FAM171A1: variants seen among roughly 807,000 people sequenced by gnomAD.
FAM171A1 encodes the protein family with sequence similarity 171 member A1.
FAM171A1 carries 23 observed loss-of-function variants against 74.9 expected under a neutral mutation model. That is an observed-to-expected ratio of 0.31 (90% confidence interval 0.22 to 0.44). FAM171A1 has a LOEUF of 0.44. Ranked by LOEUF, FAM171A1 falls within the 20% of genes least tolerant of loss-of-function variation. The pLI is 1.00. For missense variants in FAM171A1, 1,162 were observed against 1,159.2 expected, an observed-to-expected ratio of 1.00 and a Z score of -0.03; for synonymous variants, 527 against 505.7, an observed-to-expected ratio of 1.04 and a Z score of -0.57.
intron 1 of FAM171A1, among the ~76,000 whole-genome samples, chr10:15,290,841 T>G (rs796953788): frequency 7.9e-5 from 12 of 152,214 alleles, no homozygotes; most frequent in African/African-American, 2.9e-4. Context: ...CGGAGAGAGC[T>G]TTGTGCAGGG....
chr10:15,318,424 G>A (rs1238200645), intron 1 of FAM171A1, among the ~76,000 whole-genome samples: 9 of 152,158 alleles, frequency 5.9e-5, no homozygotes, highest in Non-Finnish European at 8.8e-5. Flanking sequence ...ACTTATCTGC[G>A]TGCGGTAAGT....
chr10:15,280,436 G>A (rs927664289), intron 2 of FAM171A1, among the ~76,000 whole-genome samples: 11 of 152,174 alleles, frequency 7.2e-5, no homozygotes, highest in Admixed American at 2.6e-4. Flanking sequence ...CAGGGTGATC[G>A]CTGCAGAGAC....
intron 5 of FAM171A1, among the ~76,000 whole-genome samples, chr10:15,228,329 T>C (rs1306564246): frequency 2.1e-5 from 3 of 141,658 alleles, no homozygotes; most frequent in East Asian, 2.1e-4. Flanking sequence ...AAGAACAAAG[T>C]GGGAGTATTT....
intron 1 of FAM171A1, among the ~76,000 whole-genome samples, chr10:15,338,670 T>A (rs1027593313): frequency 6.6e-6 from 1 of 152,178 alleles, no homozygotes; most frequent in Non-Finnish European, 1.5e-5. Context: ...CCTCTTCATT[T>A]CCACCCCAGC....
At chr10:15,372,476 C>T (rs570346079), upstream of FAM171A1, among the ~76,000 whole-genome samples, 4 of 152,092 alleles carry the variant, frequency 2.6e-5, no homozygotes, top group South Asian at 8.3e-4. Flanking sequence ...AGGTGGATGG[C>T]CTGAGTTCAG....
chr10:15,304,185 G>A (rs190844471), intron 1 of FAM171A1, among the ~76,000 whole-genome samples: 1 of 152,314 alleles, frequency 6.6e-6, no homozygotes, highest in Non-Finnish European at 1.5e-5. Context: ...TCAAGGTTAT[G>A]TAGCTACTCA....
chr10:15,216,212 G>A (rs1453374492), intron 6 of FAM171A1, 102 bp from the exon 7 acceptor site: 1 of 713,852 alleles, frequency 1.4e-6, no homozygotes, highest in Non-Finnish European at 2.2e-6. Context: ...CTTCTTAGCT[G>A]GGGCATAGAG....
Position 15,213,720 on chromosome 10 carries a change from G to C in FAM171A1, c.1868C>G (p.Ala623Gly). 6.2e-7 allele frequency: 1 copy of C among 1,612,446 alleles called. No homozygotes were observed. The highest frequency in any genetic ancestry group is 8.5e-7 in the Non-Finnish European group (1 of 1,178,862). Residue 623 changes from alanine (A) to glycine (G), a missense_variant, in exon 8 of 8, where the codon GCC becomes GGC. Transcript: ENST00000378116. This position sits in a 1 kb window ranked among gnomAD's most constrained non-coding sequence, Gnocchi z 6.8. ...RLQAELSNPH[A>G]GIFPHPSSQI... is the part of the protein sequence containing the mutation. ...TGAGGACGGGTGTGGGAAGATCCCG[G>C]CATGGGGATTGGACAGCTCAGCCTG...
chr10:15,372,698 CAAAAAAA>C (rs59712649), upstream of FAM171A1, among the ~76,000 whole-genome samples: 3 of 88,702 alleles, frequency 3.4e-5, no homozygotes, highest in South Asian at 4.9e-4. Flanking sequence ...GACCCCGTCT[CAAAAAAA>C]AAAAAAAAAA....
intron 1 of FAM171A1, among the ~76,000 whole-genome samples, chr10:15,307,109 A>T (rs576372478): frequency 1.3e-5 from 2 of 152,306 alleles, no homozygotes; most frequent in Admixed American, 1.3e-4. Context: ...ACCCAGGAGC[A>T]TGAGGATGAC....
intron 1 of FAM171A1, among the ~76,000 whole-genome samples, chr10:15,298,307 T>C (rs1017617204): frequency 2.0e-5 from 3 of 151,922 alleles, no homozygotes; most frequent in East Asian, 3.9e-4. Flanking sequence ...GCTAATTTTG[T>C]ATTTTTAGTA....
intron 1 of FAM171A1, among the ~76,000 whole-genome samples, chr10:15,358,107 C>G (rs1466067866): frequency 6.6e-6 from 1 of 152,032 alleles, no homozygotes; most frequent in African/African-American, 2.4e-5. Flanking sequence ...TCCCAAGAAG[C>G]TGGGACCACA....
Position 15,216,085 on chromosome 10 carries a change from G to C in FAM171A1, c.897C>G (p.Thr299=), listed in dbSNP as rs1833963223. The C allele has an allele frequency of 6.2e-7, 1 of 1,604,594 alleles. No individual in the cohort carries two copies. Among genetic ancestry groups the C allele is most frequent in the South Asian group, 1.1e-5 (1 of 88,382 alleles). ...CCAAAAGAAACACCGTGTGATACGT[G>C]GTAATGTCCTGTGTTACAACGGGAC... The part of the protein sequence containing the change: ...IPGPVVTQDI[T]TYHTVFLLAI... Residue 299 remains threonine (T), a synonymous_variant, in exon 7 of 8, where the codon ACC becomes ACG. Coordinates refer to ENST00000378116, the MANE Select transcript of FAM171A1 (RefSeq NM_001010924.2).
At chr10:15,241,019 C>A (rs1298494852) in intron 5 of FAM171A1, 1 of 151,218 alleles carries the variant, frequency 6.6e-6, no homozygotes, top group South Asian at 2.1e-4. Context: ...GGTGACAGAG[C>A]AGGACCCCTT....
intron 1 of FAM171A1, among the ~76,000 whole-genome samples, chr10:15,327,938 T>TAA (rs11438566): frequency 0.022 from 3,136 of 143,240 alleles, 44 homozygotes; most frequent in African/African-American, 0.039. Context: ...AAAATAAAAG[T>TAA]AAAAAAAAAA....
At position 15,329,862 on chromosome 10, in the gene FAM171A1, C is replaced by T. The variant is rs193139683; in HGVS notation, c.97+41094G>A. Among the ~76,000 whole-genome samples the T allele has an allele frequency of 3.1e-3, 471 of 152,248 alleles. 1 individual carries two copies. The highest frequency in any genetic ancestry group is 5.0e-3 in the Admixed American group (77 of 15,304). On this transcript the variant is annotated intron_variant, in intron 1 of 7. Coordinates refer to ENST00000378116, the MANE Select transcript of FAM171A1 (RefSeq NM_001010924.2). Reference sequence around the variant, plus strand: ...GCCCTGCCAAGCTTTGTCTCAGGCCCGCACACTACCTTTGGCTTTTTAGTC... The same window carrying T: ...GCCCTGCCAAGCTTTGTCTCAGGCCTGCACACTACCTTTGGCTTTTTAGTC...
Position 15,254,862 on chromosome 10 carries a change from G to A in FAM171A1, c.436C>T (p.Arg146Cys), listed in dbSNP as rs768431485. ...SGFQGARPQP[R>C]VHFQRRALRL... ...AGAGCCCTTCTCTGGAAATGAACGC[G>A]AGGCTGTGGCCGGGCACCTGCAGAG... Residue 146 changes from arginine (R) to cysteine (C), a missense_variant, in exon 4 of 8, where the codon CGC becomes TGC. Transcript: ENST00000378116. 8.7e-6 allele frequency: 14 copies of A among 1,613,708 alleles called. No homozygotes were observed. The highest frequency in any genetic ancestry group is 5.0e-5 in the Admixed American group (3 of 59,998).
At position 15,371,089 on chromosome 10, in the gene FAM171A1, AGAGCGGGCCGGGCGG is replaced by A; in HGVS notation, c.-52_-38del. The A allele has an allele frequency of 1.1e-6, 1 of 947,476 alleles. No individual in the cohort carries two copies. Among genetic ancestry groups the A allele is most frequent in the African/African-American group, 1.8e-5 (1 of 54,642 alleles). The allele number at this position is 947,476 out of a possible 1,614,324, so 58.7% of individuals were successfully genotyped here. A position where few individuals can be genotyped will look rare whatever the true frequency, so the allele number is the denominator to read the frequency against. ...GGCCGGCGGCGGCTCGGGCTCGCCG[AGAGCGGGCCGGGCGG>A]CGGCGCGTCACGGGCGGCCGGGCGC... On this transcript the variant is annotated 5_prime_UTR_variant, in exon 1 of 8. Transcript: ENST00000378116.
chr10:15,222,672 A>C (rs1261078630), intron 5 of FAM171A1, among the ~76,000 whole-genome samples: 1 of 152,230 alleles, frequency 6.6e-6, no homozygotes, highest in Non-Finnish European at 1.5e-5. Context: ...GAAAGAAACA[A>C]CACTTGGGTT....
Sources: gnomAD v4.1 joint callset for allele counts (sites outside exome capture counted in the v4.1 genomes callset) on GRCh38, gnomAD v4.1.1 for gene constraint, Gnocchi (gnomAD v3.1) non-coding constraint, MANE v1.5 for transcripts, NCBI Gene and HGNC (gene_info 2026-07-23, HGNC 2026-07-21) for gene names.